The following DOCK2 variants were observed in gnomAD, a reference collection of about 807,000 sequenced individuals.
DOCK2 encodes the protein dedicator of cytokinesis 2, also known as dedicator of cytokinesis protein 2.
A neutral mutation model predicts 248.9 loss-of-function variants in DOCK2; 87 were observed. The ratio of observed to expected loss-of-function variants is 0.35; its 90% confidence interval spans 0.29 to 0.42. DOCK2 has a LOEUF of 0.42. Among genes scored for constraint, DOCK2 ranks in the 10% least tolerant of loss-of-function variants. The probability of loss-of-function intolerance (pLI) is 1.00; values close to 1 mark genes in which losing one functional copy is unlikely to be tolerated. For synonymous variants in DOCK2, 805 were observed against 821.6 expected (o/e 0.98, Z 0.35); for missense variants, 1,747 against 2,300.2 (o/e 0.76, Z 4.92).
At chr5:169,810,971 A>ACT (rs372931658) in intron 26 of DOCK2, among the ~76,000 whole-genome samples, 69 of 145,914 alleles carry the variant, frequency 4.7e-4, no homozygotes, top group Middle Eastern at 3.5e-3. Context: ...ACACACACAG[A>ACT]CTCTCTCTCT....
chr5:169,882,445 A>T, intron 27 of DOCK2: 1 of 940,350 alleles, frequency 1.1e-6, no homozygotes, highest in Non-Finnish European at 1.6e-6. Context: ...ACAGTGCTTC[A>T]AACATTTTGG....
At chr5:170,043,487 A>G (rs1756588614) in intron 38 of DOCK2, among the ~76,000 whole-genome samples, 1 of 152,164 alleles carries the variant, frequency 6.6e-6, no homozygotes, top group South Asian at 2.1e-4. Flanking sequence ...GACCTCTTAC[A>G]GTTCATCAGG....
At chr5:169,934,940 G>C (rs259902) in intron 27 of DOCK2, 35,325 of 323,896 alleles carry the variant, frequency 0.11, 2,865 homozygotes, top group African/African-American at 0.29. Flanking sequence ...AGTATAGAAA[G>C]TGATTGTGCT....
intron 35 of DOCK2, 140 bp from the exon 36 acceptor site, chr5:170,036,375 A>G: frequency 3.6e-6 from 3 of 836,236 alleles, no homozygotes; most frequent in Non-Finnish European, 5.7e-6. Flanking sequence ...TGGGGCATCC[A>G]GGAAAATAAG....
intron 10 of DOCK2, among the ~76,000 whole-genome samples, chr5:169,697,471 A>T (rs1377573088): frequency 6.6e-6 from 1 of 152,286 alleles, no homozygotes; most frequent in Middle Eastern, 3.4e-3. Context: ...CCTCATCTCC[A>T]TAGTCTTTAC....
At chr5:170,082,022 G>A in intron 51 of DOCK2, 38 bp downstream of exon 51, 1 of 1,606,752 alleles carries the variant, frequency 6.2e-7, no homozygotes, top group Non-Finnish European at 8.5e-7. Context: ...GAAGGCATTG[G>A]GAGGAGAAAG....
At chr5:169,801,872 C>G (rs867506548) in intron 25 of DOCK2, among the ~76,000 whole-genome samples, 55 of 151,446 alleles carry the variant, frequency 3.6e-4, no homozygotes, top group African/African-American at 1.3e-3. Flanking sequence ...ATGGGCAGAA[C>G]CACATCTTAT....
At chr5:169,867,702 G>A (rs954410391) in intron 27 of DOCK2, among the ~76,000 whole-genome samples, 11 of 151,798 alleles carry the variant, frequency 7.2e-5, no homozygotes, top group South Asian at 2.1e-4. Context: ...CACATAGATC[G>A]CACACATACA....
chr5:170,050,008 G>A (rs1461066917), intron 40 of DOCK2, among the ~76,000 whole-genome samples: 1 of 152,140 alleles, frequency 6.6e-6, no homozygotes, highest in African/African-American at 2.4e-5. Context: ...TACATAGGAT[G>A]GTAAGAAGAA....
intron 33 of DOCK2, among the ~76,000 whole-genome samples, chr5:170,019,413 AC>A (rs1401441304): frequency 1.3e-5 from 2 of 151,960 alleles, no homozygotes; most frequent in Non-Finnish European, 2.9e-5. Flanking sequence ...CCCAGGGCCC[AC>A]CCGTCCCACC....
At chr5:169,985,400 T>C (rs1222983564) in intron 28 of DOCK2, among the ~76,000 whole-genome samples, 2 of 150,292 alleles carry the variant, frequency 1.3e-5, no homozygotes, top group African/African-American at 4.9e-5. Flanking sequence ...TGTGTATGTG[T>C]GTGACATATG....
rs544702772 is a variant in DOCK2, at chr5:169,832,141, A to G, written c.2704-8616A>G. On this transcript the variant is annotated intron_variant, in intron 26 of 51. Transcript: ENST00000520908. ...AATCTCTCTAATTCGTGTGTTGTGTATCTGGGATTTCAGTGGAGTTTTATA... is the reference window on the plus strand; with the variant it reads ...AATCTCTCTAATTCGTGTGTTGTGTGTCTGGGATTTCAGTGGAGTTTTATA... Among the ~76,000 whole-genome samples the G allele has an allele frequency of 5.3e-5, 8 of 152,348 alleles. No individual in the cohort carries two copies. The East Asian group carries it at 1.5e-3, about 29-fold the overall frequency.
At chr5:169,696,508 A>G (rs1760635922) in intron 10 of DOCK2, among the ~76,000 whole-genome samples, 2 of 152,194 alleles carry the variant, frequency 1.3e-5, no homozygotes, top group African/African-American at 4.8e-5. Context: ...GTTATGTTTG[A>G]CTACCACTTG....
chr5:169,963,238 A>G (rs1001455267), intron 27 of DOCK2, among the ~76,000 whole-genome samples: 1 of 152,188 alleles, frequency 6.6e-6, no homozygotes, highest in Non-Finnish European at 1.5e-5. Flanking sequence ...GTATCAGTTT[A>G]TGTCCATGAA....
At chr5:169,789,703 G>A (rs1173799956) in intron 25 of DOCK2, among the ~76,000 whole-genome samples, 1 of 152,130 alleles carries the variant, frequency 6.6e-6, no homozygotes, top group Non-Finnish European at 1.5e-5. Context: ...TTTGCTTTGG[G>A]CCTTTTAGGG....
chr5:169,647,085 C>T (rs1023437034), intron 1 of DOCK2, among the ~76,000 whole-genome samples: 3 of 152,214 alleles, frequency 2.0e-5, no homozygotes, highest in Non-Finnish European at 4.4e-5. Context: ...GGGGGCAGTG[C>T]CCCCTTTGCT....
At chr5:169,853,670 C>T (rs1770727398) in intron 27 of DOCK2, among the ~76,000 whole-genome samples, 1 of 152,102 alleles carries the variant, frequency 6.6e-6, no homozygotes, top group African/African-American at 2.4e-5. Context: ...GGGCTTCGAT[C>T]TCCCAGAGCT....
chr5:169,923,454 A>G (rs890612510), intron 27 of DOCK2, among the ~76,000 whole-genome samples: 1 of 151,420 alleles, frequency 6.6e-6, no homozygotes, highest in East Asian at 2.0e-4. Flanking sequence ...ATTTGTTAGC[A>G]GCACATGCGT....
At chr5:170,000,213 T>C (rs996172521) in intron 30 of DOCK2, 1 of 152,212 alleles carries the variant, frequency 6.6e-6, no homozygotes, top group Non-Finnish European at 1.5e-5. Flanking sequence ...CCCTCAAGGA[T>C]CTTGGAATCT....
Sources: gnomAD v4.1 joint callset for allele counts (sites outside exome capture counted in the v4.1 genomes callset) on GRCh38, gnomAD v4.1.1 for gene constraint, MANE v1.5 for transcripts, NCBI Gene and HGNC (gene_info 2026-07-23, HGNC 2026-07-21) for gene names.